Variants in DHX37 observed in about 807,000 individuals in gnomAD.
The protein encoded by DHX37 is probable ATP-dependent RNA helicase DHX37.
In DHX37, 52 loss-of-function variants were observed where a neutral mutation model predicts 134.3. The ratio of observed to expected loss-of-function variants is 0.39; its 90% confidence interval spans 0.31 to 0.49. The LOEUF (loss-of-function observed/expected upper bound fraction) is 0.49. DHX37 is among the 20% of genes least tolerant of loss of function. DHX37 has a pLI of 0.93. For synonymous variants in DHX37, 634 were observed against 670.7 expected, an observed-to-expected ratio of 0.95 and a Z score of 0.85; for missense variants, 1,344 against 1,580.8, an observed-to-expected ratio of 0.85 and a Z score of 2.54.
chr12:124,952,436 C>A lies in DHX37; in HGVS notation c.2830G>T (p.Glu944Ter). The change falls in exon 21 of 27, where the codon GAG becomes TAG. Residue 944 changes from glutamate (E) to a stop codon, truncating the protein, a stop_gained. Transcript: ENST00000308736. LOFTEE classifies it high-confidence loss of function. ...CTCCACTTGTCCTCCAGCATCTCCT[C>A]GCTCTGGACCCTGCGGGCCAAGTGG... ...GDHLARRVQS[E>*]EMLEDKWRNA... 6.2e-7 allele frequency: 1 copy of A among 1,611,064 alleles called. No individual in the cohort carries two copies. The highest frequency in any genetic ancestry group is 8.5e-7 in the Non-Finnish European group (1 of 1,179,532).
At chr12:124,951,068 C>T (rs534345653) in intron 21 of DHX37, among the ~76,000 whole-genome samples, 7 of 152,220 alleles carry the variant, frequency 4.6e-5, no homozygotes, top group South Asian at 2.1e-4. Context: ...GTCAAGAGTT[C>T]GAGACCAGCC....
intron 6 of DHX37, among the ~76,000 whole-genome samples, chr12:124,973,630 C>A (rs1172610053): frequency 7.7e-6 from 1 of 129,094 alleles, no homozygotes; most frequent in Non-Finnish European, 1.6e-5. Context: ...TATGCGCCCC[C>A]CCCAACGCTT....
At chr12:124,982,368 G>T in intron 3 of DHX37, 143 bp downstream of exon 3, 1 of 1,132,388 alleles carries the variant, frequency 8.8e-7, no homozygotes, top group Non-Finnish European at 1.2e-6. Context: ...AGGCATTTAG[G>T]ATGACAATGA....
At position 124,975,420 on chromosome 12, in the gene DHX37, G is replaced by T; in HGVS notation, c.979C>A (p.Arg327=). ...RVAKEMNLSQ[R]VVSYQIRYEG... is the part of the protein sequence containing the mutation. ...GCCCCAGGGAAGTAGAGCCCTCACC[G>T]CTGGGACAGATTCATCTCCTTGGCC... The change falls in exon 6 of 27, where the codon CGG becomes AGG. Residue 327 remains arginine (R), a splice_region_variant and synonymous_variant. Transcript: ENST00000308736. 1 of 1,612,796 alleles carries T rather than the reference G, an allele frequency of 6.2e-7. No individual in the cohort carries two copies.
At chr12:124,950,307 GCCC>G in intron 23 of DHX37, 64 bp from the exon 24 acceptor site, 1 of 1,607,324 alleles carries the variant, frequency 6.2e-7, no homozygotes, top group Non-Finnish European at 8.5e-7. Context: ...TCCCATCCCT[GCCC>G]CACCCGAGAC....
Position 124,957,216 on chromosome 12 carries a change from C to T in DHX37, c.2158-81G>A, listed in dbSNP as rs576236136. 2.3e-5 allele frequency: 30 copies of T among 1,287,020 alleles called. No homozygotes were observed. In the South Asian group the frequency reaches 5.2e-4, roughly 22 times the overall value. 79.7% of individuals were successfully genotyped at this position (1,287,020 alleles called of 1,614,324 possible). ...GCTCCTGCTCCGTCTGTGGCAGGCA[C>T]TCCCTCCAACCCCTCTCTCCGGGCT... On this transcript the variant is annotated intron_variant, in intron 16 of 26. Transcript: ENST00000308736.
In DHX37 at chr12:124,962,323, C is replaced by T. The variant is rs370367448; in HGVS notation, c.2046-1900G>A. ...GGGAGGCTGAGGCAGGTGTTCAAGA[C>T]CAGCCTGGCCAACATGGTGAAACCC... On this transcript the variant is annotated intron_variant, in intron 15 of 26. Coordinates refer to ENST00000308736, the MANE Select transcript of DHX37 (RefSeq NM_032656.4). 7.9e-5 allele frequency among the ~76,000 whole-genome samples: 12 copies of T among 151,820 alleles called. No homozygotes were observed. In the East Asian group the frequency reaches 1.4e-3, roughly 17 times the overall value.
At position 124,950,215 on chromosome 12, in the gene DHX37, G is replaced by T. The variant is rs1392987711; in HGVS notation, c.3150C>A (p.Ile1050=). The T allele has an allele frequency of 2.5e-6, 4 of 1,613,808 alleles. No individual in the cohort carries two copies. Among genetic ancestry groups the T allele is most frequent in the African/African-American group, 2.7e-5 (2 of 74,944 alleles). Residue 1050 remains isoleucine, a synonymous_variant, in exon 24 of 27, where the codon ATC becomes ATA. Coordinates refer to ENST00000308736, the MANE Select transcript of DHX37 (RefSeq NM_032656.4). ...CAATCCCCTCTGGAAAATCCACCTC[G>T]ATGGCGGGGAGCGGCCAGCCCACGC... ...FYRVGWPLPA[I]EVDFPEGIDR...
chr12:124,987,217 C>A (rs545726569), intron 1 of DHX37, among the ~76,000 whole-genome samples: 1 of 152,328 alleles, frequency 6.6e-6, no homozygotes, highest in South Asian at 2.1e-4. Flanking sequence ...ATGGCATGCA[C>A]CTATAATCCC....
chr12:124,950,279 T>G, intron 23 of DHX37, 36 bp from the exon 24 acceptor site: 1 of 1,611,848 alleles, frequency 6.2e-7, no homozygotes, highest in Non-Finnish European at 8.5e-7. Flanking sequence ...GGGACCCTCC[T>G]GCAGCTGCCC....
At chr12:124,959,831 A>G (rs1954190950) in intron 16 of DHX37, among the ~76,000 whole-genome samples, 1 of 152,182 alleles carries the variant, frequency 6.6e-6, no homozygotes, top group Non-Finnish European at 1.5e-5. Flanking sequence ...CCCTGGACAA[A>G]AACCTTCACT....
intron 1 of DHX37, 71 bp from the exon 2 acceptor site, chr12:124,986,336 T>A (rs1954871910): frequency 6.5e-7 from 1 of 1,546,076 alleles, no homozygotes; most frequent in Admixed American, 1.9e-5. Flanking sequence ...ACAAGCCCCC[T>A]GACTTGCATG....
chr12:124,948,399 A>G (rs1245110549), intron 25 of DHX37: 1 of 770,016 alleles, frequency 1.3e-6, no homozygotes, highest in East Asian at 2.7e-5. Context: ...GCAGTGAACC[A>G]TGACTGCACC....
chr12:124,975,561 A>C, intron 5 of DHX37, 50 bp from the exon 6 acceptor site: 1 of 1,585,780 alleles, frequency 6.3e-7, no homozygotes, highest in Non-Finnish European at 8.6e-7. Context: ...CCACCTGTTC[A>C]TGCCAAAGCC....
chr12:124,971,263 T>C, intron 8 of DHX37, 39 bp downstream of exon 8: 1 of 1,597,522 alleles, frequency 6.3e-7, no homozygotes, highest in East Asian at 2.3e-5. Context: ...GGGGGGGGCC[T>C]AGGGCTCGGG....
intron 2 of DHX37, 52 bp downstream of exon 2, chr12:124,986,044 T>C (rs1954864676): frequency 1.3e-5 from 21 of 1,596,860 alleles, no homozygotes; most frequent in Non-Finnish European, 1.7e-5. Flanking sequence ...AGACCCCCCA[T>C]CTCTCTCTAT....
intron 2 of DHX37, among the ~76,000 whole-genome samples, chr12:124,985,576 AAT>A (rs1190642720): frequency 1.0e-5 from 1 of 100,032 alleles, no homozygotes; most frequent in African/African-American, 4.8e-5. Context: ...CTCTACTAAA[AAT>A]ACAAAAAAAA....
At chr12:124,981,710 C>T (rs1452742268) in intron 3 of DHX37, among the ~76,000 whole-genome samples, 1 of 149,242 alleles carries the variant, frequency 6.7e-6, no homozygotes, top group African/African-American at 2.5e-5. Context: ...GCTAGGATTA[C>T]AGGTATGAGC....
chr12:124,952,292 C>G (rs1953989822), intron 21 of DHX37, 106 bp downstream of exon 21: 1 of 1,228,878 alleles, frequency 8.1e-7, no homozygotes, highest in Non-Finnish European at 1.1e-6. Context: ...CAGTGGGGAC[C>G]CACAGCTGAG....
Sources: gnomAD v4.1 joint callset for allele counts (sites outside exome capture counted in the v4.1 genomes callset) on GRCh38, gnomAD v4.1.1 for gene constraint, MANE v1.5 for transcripts, NCBI Gene and HGNC (gene_info 2026-07-23, HGNC 2026-07-21) for gene names.